The following ABCB1 variants were observed in gnomAD, a reference collection of about 807,000 sequenced individuals.
The protein encoded by ABCB1 is ATP-dependent translocase ABCB1.
Under a neutral mutation model 142.0 loss-of-function variants are expected in ABCB1, and 69 were observed. The observed-to-expected ratio is 0.49, with a 90% CI of 0.40 to 0.59. ABCB1 has a LOEUF of 0.59. Ranked by LOEUF, ABCB1 falls within the 20% of genes least tolerant of loss-of-function variation. ABCB1 has a pLI of 0.00. For synonymous variants in ABCB1, 532 were observed against 539.2 expected, an observed-to-expected ratio of 0.99 and a Z score of 0.18; for missense variants, 1,326 against 1,554.7, an observed-to-expected ratio of 0.85 and a Z score of 2.47.
At chr7:87,708,442 C>T (rs1003597610) in intron 1 of ABCB1, among the ~76,000 whole-genome samples, 1 of 151,800 alleles carries the variant, frequency 6.6e-6, no homozygotes, top group Non-Finnish European at 1.5e-5. Flanking sequence ...AAAACTAACA[C>T]GAAAAGGATG....
chr7:87,574,329 G>T (rs546782555), intron 4 of ABCB1, among the ~76,000 whole-genome samples: 1 of 152,126 alleles, frequency 6.6e-6, no homozygotes, highest in African/African-American at 2.4e-5. Flanking sequence ...CTGAAACTAT[G>T]TTGGCCTCCA....
chr7:87,505,483 T>A (rs1033228542), intron 27 of ABCB1, among the ~76,000 whole-genome samples: 2 of 152,180 alleles, frequency 1.3e-5, no homozygotes, highest in Admixed American at 6.5e-5. Context: ...CATACTGAGT[T>A]CGTCTTTCAG....
At chr7:87,650,766 A>G in intron 1 of ABCB1, 1 of 1,061,428 alleles carries the variant, frequency 9.4e-7, no homozygotes, top group South Asian at 1.3e-5. Context: ...CATTTTTTTC[A>G]TACTTAGGGA....
intron 4 of ABCB1, among the ~76,000 whole-genome samples, chr7:87,572,211 G>A (rs1818085391): frequency 6.6e-6 from 1 of 152,058 alleles, no homozygotes; most frequent in Admixed American, 6.6e-5. Flanking sequence ...AGTATTAATT[G>A]TTGCCAGTAT....
At chr7:87,550,623 A>G (rs1470325402) in intron 10 of ABCB1, 45 bp from the exon 11 acceptor site, 3 of 1,584,800 alleles carry the variant, frequency 1.9e-6, no homozygotes, top group Non-Finnish European at 2.6e-6. Flanking sequence ...TACAATAACT[A>G]CTTTTAGTGA....
At chr7:87,711,904 C>T (rs1402454123) in intron 1 of ABCB1, among the ~76,000 whole-genome samples, 2 of 152,106 alleles carry the variant, frequency 1.3e-5, no homozygotes, top group African/African-American at 2.4e-5. Context: ...ATAATTACAA[C>T]TATAAACTAG....
intron 24 of ABCB1, among the ~76,000 whole-genome samples, chr7:87,515,974 T>C (rs1016821488): frequency 1.3e-5 from 2 of 152,196 alleles, no homozygotes; most frequent in Admixed American, 1.3e-4. Flanking sequence ...ACAATATGAA[T>C]ATGCAATACA....
rs754871307 is a variant in ABCB1 at position 87,650,867 on chromosome 7, T to G, written c.-330-49789A>C. On this transcript the variant is annotated intron_variant, in intron 1 of 28. Coordinates refer to the ABCB1 transcript ENST00000265724. ...TTGATCGGTCTTGCTTTGAGACAAT[T>G]GATGATTCTTCTCCTGAATTTAACA... 5 of 1,613,046 alleles carry G rather than the reference T, an allele frequency of 3.1e-6. No homozygotes were observed. In the African/African-American group the frequency reaches 6.7e-5, roughly 22 times the overall value.
intron 4 of ABCB1, among the ~76,000 whole-genome samples, chr7:87,572,151 G>A (rs144005589): frequency 3.0e-3 from 451 of 151,128 alleles, no homozygotes; most frequent in African/African-American, 0.011. Flanking sequence ...TCAATCTTGG[G>A]AAAGCTTACA....
At chr7:87,615,880 G>A (rs898250331) in intron 1 of ABCB1, among the ~76,000 whole-genome samples, 1 of 152,192 alleles carries the variant, frequency 6.6e-6, no homozygotes, top group Non-Finnish European at 1.5e-5. Flanking sequence ...ACAAACTACA[G>A]AGAGTAAAAA....
chr7:87,581,937 G>T (rs985164444), intron 4 of ABCB1, among the ~76,000 whole-genome samples: 1 of 152,134 alleles, frequency 6.6e-6, no homozygotes, highest in South Asian at 2.1e-4. Flanking sequence ...TTAGTAGGCT[G>T]GTTCTCCCTC....
chr7:87,666,832 G>T (rs564675966), intron 1 of ABCB1, among the ~76,000 whole-genome samples: 3 of 152,112 alleles, frequency 2.0e-5, no homozygotes, highest in African/African-American at 7.2e-5. Flanking sequence ...TCTCTATTCT[G>T]TTCCATTGGT....
intron 1 of ABCB1, among the ~76,000 whole-genome samples, chr7:87,651,214 A>G (rs1823536590): frequency 6.6e-6 from 1 of 152,190 alleles, no homozygotes; most frequent in Non-Finnish European, 1.5e-5. Context: ...AAGGAAGCGC[A>G]TCCCAAAGGT....
chr7:87,599,554 T>C (rs1209960292), intron 2 of ABCB1, among the ~76,000 whole-genome samples: 4 of 152,094 alleles, frequency 2.6e-5, no homozygotes, highest in Non-Finnish European at 2.9e-5. Flanking sequence ...CATCCGCCTG[T>C]CTGGGGCAGG....
chr7:87,590,126 C>A (rs1451334561), intron 3 of ABCB1, among the ~76,000 whole-genome samples: 1 of 152,128 alleles, frequency 6.6e-6, no homozygotes, highest in African/African-American at 2.4e-5. Context: ...TTTAAAATAT[C>A]TTTCAAATAT....
Position 87,641,363 on chromosome 7 carries a change from T to C in ABCB1, c.-330-40285A>G, listed in dbSNP as rs533619578. ...CTAGTGTTCATCTTCCTCCATAAGATTGAGTAGCAGCTGATTGCTTTCATC... is the reference window on the plus strand; with the variant it reads ...CTAGTGTTCATCTTCCTCCATAAGACTGAGTAGCAGCTGATTGCTTTCATC... On this transcript the variant is annotated intron_variant, in intron 1 of 28. Transcript: ENST00000265724. 3.0e-4 allele frequency among the ~76,000 whole-genome samples: 45 copies of C among 152,296 alleles called. 1 individual carries two copies. The highest frequency in any genetic ancestry group is 9.4e-4 in the African/African-American group (39 of 41,566).
chr7:87,590,702 T>A (rs1347764651), intron 3 of ABCB1, among the ~76,000 whole-genome samples: 1 of 152,210 alleles, frequency 6.6e-6, no homozygotes, highest in Non-Finnish European at 1.5e-5. Flanking sequence ...AATATTTGTC[T>A]GCAGTAAAGT....
At position 87,504,134 on chromosome 7, in the gene ABCB1, G is replaced by C; in HGVS notation, c.*109C>G. ...AGACTCTGAACTTGACTGAGGAAATGTTAAACAGATACCTCTTCATAATTC... is the reference window on the plus strand; with the variant it reads ...AGACTCTGAACTTGACTGAGGAAATCTTAAACAGATACCTCTTCATAATTC... On this transcript the variant is annotated 3_prime_UTR_variant, in exon 28 of 28. Coordinates refer to ENST00000622132, the MANE Select transcript of ABCB1 (RefSeq NM_001348946.2). 7.0e-7 allele frequency: 1 copy of C among 1,421,684 alleles called. No homozygotes were observed. Among genetic ancestry groups the C allele is most frequent in the African/African-American group, 1.4e-5 (1 of 70,472 alleles). 88.1% of individuals were successfully genotyped at this position (1,421,684 alleles called of 1,614,324 possible). A position where few individuals can be genotyped will look rare whatever the true frequency, so the allele number is the denominator to read the frequency against.
chr7:87,650,863 C>T lies in ABCB1; in HGVS notation c.-330-49785G>A, dbSNP rs765170729. 3.7e-6 allele frequency: 6 copies of T among 1,612,646 alleles called. No homozygotes were observed. The Admixed American group carries it at 1.0e-4, about 27-fold the overall frequency. On this transcript the variant is annotated intron_variant, in intron 1 of 28. Coordinates refer to the ABCB1 transcript ENST00000265724. ...CTGATTGATCGGTCTTGCTTTGAGA[C>T]AATTGATGATTCTTCTCCTGAATTT...
Sources: gnomAD v4.1 joint callset for allele counts (sites outside exome capture counted in the v4.1 genomes callset) on GRCh38, gnomAD v4.1.1 for gene constraint, MANE v1.5 for transcripts, NCBI Gene and HGNC (gene_info 2026-07-23, HGNC 2026-07-21) for gene names.